Variants in PCDH15 observed in about 807,000 individuals in gnomAD.
The protein encoded by PCDH15 is protocadherin-15.
PCDH15 carries 129 observed loss-of-function variants against 178.5 expected under a neutral mutation model. The ratio of observed to expected loss-of-function variants is 0.72; its 90% CI spans 0.63 to 0.84. PCDH15 has a LOEUF of 0.84. Among genes scored for constraint, PCDH15 ranks in the 40% least tolerant of loss-of-function variants. The probability of loss-of-function intolerance (pLI) is 0.00; values close to 1 mark genes in which losing one functional copy is unlikely to be tolerated. For missense variants in PCDH15, 2,230 were observed against 2,099.9 expected (o/e 1.06, Z -1.21); for synonymous variants, 800 against 732.0 (o/e 1.09, Z -1.50).
intron 1 of PCDH15, among the ~76,000 whole-genome samples, chr10:55,189,488 G>A (rs1217879691): frequency 6.6e-6 from 1 of 151,758 alleles, no homozygotes; most frequent in Non-Finnish European, 1.5e-5. Context: ...TGTGACTAAA[G>A]TTAGACCAGC....
At position 54,031,565 on chromosome 10, in the gene PCDH15, A is replaced by T. The variant is rs565696304; in HGVS notation, c.2221-8368T>A. On this transcript the variant is annotated intron_variant, in intron 18 of 37. Transcript: ENST00000644397. ...TATGGTAGAGAAGGAAAAAAAAAAG[A>T]TAGCAAGCAAATAAAAATAAACAAT... is the stretch of plus-strand genomic sequence containing the variant. Among the ~76,000 whole-genome samples the T allele has an allele frequency of 2.9e-4, 44 of 151,094 alleles. No individual in the cohort carries two copies. In the East Asian group the frequency reaches 8.2e-3, roughly 28 times the overall value.
intron 3 of PCDH15, among the ~76,000 whole-genome samples, chr10:54,880,562 G>C (rs987435270): frequency 2.0e-5 from 3 of 151,554 alleles, no homozygotes; most frequent in Admixed American, 1.3e-4. Context: ...AAGAAAAGCA[G>C]TAAAGTGTAG....
At chr10:55,236,139 C>T (rs1026849524) in intron 1 of PCDH15, among the ~76,000 whole-genome samples, 7 of 151,680 alleles carry the variant, frequency 4.6e-5, no homozygotes, top group African/African-American at 1.7e-4. Context: ...CAATAACATG[C>T]AGTGTTTCTG....
chr10:53,813,515 GATT>G (rs1190916281), intron 35 of PCDH15, among the ~76,000 whole-genome samples: 5 of 152,140 alleles, frequency 3.3e-5, no homozygotes, highest in Admixed American at 2.6e-4. Context: ...AGTCTGGAGA[GATT>G]ATTACTTGGT....
At chr10:54,483,663 A>C (rs146656746) in intron 3 of PCDH15, among the ~76,000 whole-genome samples, 10 of 151,956 alleles carry the variant, frequency 6.6e-5, no homozygotes, top group Admixed American at 6.6e-4. Context: ...AGAAAACCTA[A>C]AGAAATCAAT....
intron 2 of PCDH15, among the ~76,000 whole-genome samples, chr10:55,008,692 A>G (rs1476020120): frequency 1.3e-5 from 2 of 152,144 alleles, no homozygotes; most frequent in Non-Finnish European, 2.9e-5. Flanking sequence ...GGACTCAAAG[A>G]CAGGCAGGCC....
At chr10:55,627,422 A>G (rs1361841737) in intron 2 of PCDH15, among the ~76,000 whole-genome samples, 1 of 152,110 alleles carries the variant, frequency 6.6e-6, no homozygotes, top group African/African-American at 2.4e-5. Flanking sequence ...ACATACATGT[A>G]AGGAGCGAGA....
At chr10:53,917,954 C>A (rs114264031) in intron 25 of PCDH15, among the ~76,000 whole-genome samples, 1,764 of 152,238 alleles carry the variant, frequency 0.012, 28 homozygotes, top group African/African-American at 0.037. Context: ...CGCACTGGCT[C>A]TCCCTTCACT....
At chr10:55,329,036 T>A (rs974695821) in intron 2 of PCDH15, among the ~76,000 whole-genome samples, 2 of 148,484 alleles carry the variant, frequency 1.3e-5, no homozygotes, top group African/African-American at 4.9e-5. Flanking sequence ...TTTGTGTGTG[T>A]GTGTATGGAA....
chr10:55,111,777 A>T (rs1837512052), intron 2 of PCDH15, among the ~76,000 whole-genome samples: 1 of 152,168 alleles, frequency 6.6e-6, no homozygotes, highest in East Asian at 1.9e-4. Flanking sequence ...TGGGAGGCAG[A>T]GGGTGCAGTG....
intron 9 of PCDH15, among the ~76,000 whole-genome samples, chr10:54,216,387 CA>C (rs2052068358): frequency 2.0e-5 from 3 of 152,080 alleles, no homozygotes. Context: ...ACCCGGGAGA[CA>C]TGGAGGTTGC....
chr10:53,960,042 G>T (rs1408339696), intron 22 of PCDH15, among the ~76,000 whole-genome samples, 198 bp from the exon 23 acceptor site: 4 of 152,034 alleles, frequency 2.6e-5, no homozygotes, highest in Non-Finnish European at 5.9e-5. Flanking sequence ...CAATAATCCA[G>T]CCAGATAAAT....
chr10:55,338,098 A>C (rs1844446919), intron 2 of PCDH15, among the ~76,000 whole-genome samples: 1 of 152,212 alleles, frequency 6.6e-6, no homozygotes, highest in Non-Finnish European at 1.5e-5. Flanking sequence ...ATCAGATTAC[A>C]ATGAGATATC....
chr10:54,337,674 C>G (rs527891994), intron 6 of PCDH15, among the ~76,000 whole-genome samples: 3 of 152,252 alleles, frequency 2.0e-5, no homozygotes, highest in African/African-American at 7.2e-5. Context: ...AGCACTAGCC[C>G]TTTGAAAGAA....
At chr10:55,620,058 A>T (rs1356372418) in intron 2 of PCDH15, among the ~76,000 whole-genome samples, 13 of 152,012 alleles carry the variant, frequency 8.6e-5, no homozygotes, top group Non-Finnish European at 1.0e-4. Flanking sequence ...TTGCCTAAGC[A>T]TATGCCCCCA....
At chr10:54,665,799 C>T (rs117827617) in intron 1 of PCDH15, among the ~76,000 whole-genome samples, 1,880 of 151,964 alleles carry the variant, frequency 0.012, 17 homozygotes, top group African/African-American at 0.021. Context: ...AAGTGCTTGG[C>T]GCGTGCATTT....
chr10:54,150,654 TTTG>T (rs2044436836), intron 14 of PCDH15, among the ~76,000 whole-genome samples: 2 of 151,618 alleles, frequency 1.3e-5, no homozygotes, highest in Admixed American at 6.6e-5. Context: ...TGTCTTTATT[TTTG>T]TTGTTTCTTT....
At chr10:55,149,444 T>C (rs551836939) in intron 2 of PCDH15, among the ~76,000 whole-genome samples, 57 of 152,082 alleles carry the variant, frequency 3.7e-4, no homozygotes, top group African/African-American at 1.3e-3. Flanking sequence ...GAAGGCAGAA[T>C]ACAACAGTAA....
At chr10:54,516,142 A>T (rs1488755064) in intron 3 of PCDH15, among the ~76,000 whole-genome samples, 1 of 152,204 alleles carries the variant, frequency 6.6e-6, no homozygotes, top group Non-Finnish European at 1.5e-5. Flanking sequence ...ACAAAGCTGG[A>T]TGGAGAATGC....
Sources: gnomAD v4.1 joint callset for allele counts (sites outside exome capture counted in the v4.1 genomes callset) on GRCh38, gnomAD v4.1.1 for gene constraint, MANE v1.5 for transcripts, NCBI Gene and HGNC (gene_info 2026-07-23, HGNC 2026-07-21) for gene names.